The following CYB5R4 variants were observed in gnomAD, a reference collection of about 807,000 sequenced individuals.
The protein encoded by CYB5R4 is N-terminal cytochrome b5 and cytochrome b5 oxidoreductase domain-containing protein.
CYB5R4 carries 55 observed loss-of-function variants against 70.2 expected under a neutral mutation model. The observed-to-expected ratio is 0.78, with a 90% CI of 0.63 to 0.98. CYB5R4 has a LOEUF of 0.98. Ranked by LOEUF, CYB5R4 falls within the 50% of genes least tolerant of loss-of-function variation. The pLI is 0.00. For synonymous variants in CYB5R4, 197 were observed against 199.5 expected (o/e 0.99, Z 0.11); for missense variants, 562 against 612.6 (o/e 0.92, Z 0.87).
intron 3 of CYB5R4, among the ~76,000 whole-genome samples, chr6:83,894,014 C>G (rs548142632): frequency 6.6e-6 from 1 of 152,224 alleles, no homozygotes; most frequent in East Asian, 1.9e-4. Context: ...TTCTGTTAGT[C>G]CTTTGTCACC....
Position 83,961,841 on chromosome 6 carries a change from A to T in CYB5R4, c.*1963A>T, listed in dbSNP as rs1053857792. ...GAATCTCCTATTAGTCGCTATATGTAATGCTTCCTCATTCCTCCTTTTATG... is the reference window on the plus strand; with the variant it reads ...GAATCTCCTATTAGTCGCTATATGTTATGCTTCCTCATTCCTCCTTTTATG... On this transcript the variant is annotated 3_prime_UTR_variant, in exon 16 of 16. Coordinates refer to ENST00000369681, the MANE Select transcript of CYB5R4 (RefSeq NM_016230.4). The T allele has an allele frequency of 6.6e-6, 1 of 151,428 alleles. No individual in the cohort carries two copies. Among genetic ancestry groups the T allele is most frequent in the Non-Finnish European group, 1.5e-5 (1 of 67,784 alleles). The allele number at this position is 151,428 out of a possible 1,614,324, so 9.4% of individuals were successfully genotyped here.
At chr6:83,908,640 G>A (rs1029616830) in intron 3 of CYB5R4, among the ~76,000 whole-genome samples, 1 of 152,082 alleles carries the variant, frequency 6.6e-6, no homozygotes, top group East Asian at 1.9e-4. Context: ...TGGACCCACT[G>A]CCTTGATTAA....
intron 12 of CYB5R4, among the ~76,000 whole-genome samples, chr6:83,937,820 G>A (rs1021612878): frequency 6.6e-6 from 1 of 152,152 alleles, no homozygotes; most frequent in African/African-American, 2.4e-5. Context: ...TGCCCAGCCA[G>A]TAAAGGTACT....
intron 1 of CYB5R4, 33 bp from the exon 2 acceptor site, chr6:83,864,142 G>T: frequency 6.6e-7 from 1 of 1,516,342 alleles, no homozygotes; most frequent in Non-Finnish European, 8.8e-7. Context: ...AAGTAATGAA[G>T]CTAGATTTAA....
intron 2 of CYB5R4, among the ~76,000 whole-genome samples, chr6:83,869,043 C>G (rs1250709341): frequency 6.6e-6 from 1 of 152,168 alleles, no homozygotes; most frequent in Non-Finnish European, 1.5e-5. Flanking sequence ...ATGGATTTTA[C>G]TTATTTAGAA....
chr6:83,933,382 A>G (rs1294266078), intron 10 of CYB5R4, among the ~76,000 whole-genome samples: 1 of 152,208 alleles, frequency 6.6e-6, no homozygotes, highest in African/African-American at 2.4e-5. Flanking sequence ...GGGAAGTTGG[A>G]TTCATTTGTG....
intron 3 of CYB5R4, among the ~76,000 whole-genome samples, chr6:83,896,510 C>CA (rs2099461925): frequency 6.6e-6 from 1 of 152,178 alleles, no homozygotes; most frequent in Non-Finnish European, 1.5e-5. Flanking sequence ...TGAGTGAAAA[C>CA]ATGCAGTATT....
At position 83,959,229 on chromosome 6, in the gene CYB5R4, G is replaced by A. The variant is rs549862464; in HGVS notation, c.1512-595G>A. Among the ~76,000 whole-genome samples the A allele has an allele frequency of 2.0e-4, 30 of 152,220 alleles. No homozygotes were observed. In the South Asian group the frequency reaches 5.8e-3, roughly 29 times the overall value. On this transcript the variant is annotated intron_variant, in intron 15 of 15. Coordinates refer to ENST00000369681, the MANE Select transcript of CYB5R4 (RefSeq NM_016230.4). Reference sequence around the variant, plus strand: ...GATCTATACATAGATCATAATGGTAGCTAGCACTCAAAAAGAGAGGCAACC... The same window carrying A: ...GATCTATACATAGATCATAATGGTAACTAGCACTCAAAAAGAGAGGCAACC...
At chr6:83,919,250 T>A (rs2099465982) in intron 6 of CYB5R4, 147 bp from the exon 7 acceptor site, 2 of 469,214 alleles carry the variant, frequency 4.3e-6, no homozygotes, top group Non-Finnish European at 7.6e-6. Context: ...GAATGTAACA[T>A]GGTAAGACCA....
intron 3 of CYB5R4, among the ~76,000 whole-genome samples, chr6:83,906,738 G>C (rs2099463829): frequency 6.6e-6 from 1 of 152,156 alleles, no homozygotes; most frequent in Non-Finnish European, 1.5e-5. Context: ...GTTCTTAGTG[G>C]AGGAGGCAAG....
chr6:83,928,490 A>C (rs973393803), intron 10 of CYB5R4, among the ~76,000 whole-genome samples: 1 of 152,104 alleles, frequency 6.6e-6, no homozygotes, highest in Admixed American at 6.5e-5. Flanking sequence ...AGTGAGGTCC[A>C]TGGCTTTCAG....
chr6:83,869,821 C>A (rs1339242099), intron 2 of CYB5R4, among the ~76,000 whole-genome samples: 41 of 149,362 alleles, frequency 2.7e-4, no homozygotes, highest in Non-Finnish European at 5.0e-4. Flanking sequence ...ATAACTTCGT[C>A]TCAAAAAAAA....
intron 2 of CYB5R4, among the ~76,000 whole-genome samples, chr6:83,869,539 G>A (rs1163917376): frequency 6.6e-6 from 1 of 152,148 alleles, no homozygotes; most frequent in African/African-American, 2.4e-5. Flanking sequence ...GTAAAAAAGT[G>A]TCTTTTTGAC....
intron 2 of CYB5R4, among the ~76,000 whole-genome samples, chr6:83,868,520 C>T (rs191919902): frequency 1.3e-5 from 2 of 152,196 alleles, no homozygotes; most frequent in East Asian, 3.9e-4. Flanking sequence ...CTAATTTTTT[C>T]ATTTAATTTT....
At chr6:83,941,609 T>C (rs917571851) in intron 14 of CYB5R4, among the ~76,000 whole-genome samples, 2 of 152,214 alleles carry the variant, frequency 1.3e-5, no homozygotes, top group South Asian at 2.1e-4. Flanking sequence ...TGTGGTCTTT[T>C]CCCATTTTTC....
rs1456443624 is a variant in CYB5R4 at position 83,960,619 on chromosome 6, AAG to A, written c.*746_*747del. ...TTAGCCAAAAACAAAGACATTAGGA[AAG>A]AGAGTGAAAGTATAGTGTCTAGTTC... is the stretch of plus-strand genomic sequence containing the variant. On this transcript the variant is annotated 3_prime_UTR_variant, in exon 16 of 16. Transcript: ENST00000369681. 6.6e-6 allele frequency: 1 copy of A among 152,210 alleles called. No homozygotes were observed. Among genetic ancestry groups the A allele is most frequent in the African/African-American group, 2.4e-5 (1 of 41,458 alleles). 9.4% of individuals were successfully genotyped at this position (152,210 alleles called of 1,614,324 possible). A position where few individuals can be genotyped will look rare whatever the true frequency, so the allele number is the denominator to read the frequency against.
chr6:83,958,961 TC>T (rs1433673355), intron 15 of CYB5R4, among the ~76,000 whole-genome samples: 10 of 152,322 alleles, frequency 6.6e-5, no homozygotes, highest in Non-Finnish European at 1.5e-4. Context: ...TTTCTGCTTT[TC>T]CTGTTCAGTA....
At chr6:83,915,434 A>G (rs142346281) in intron 5 of CYB5R4, among the ~76,000 whole-genome samples, 5 of 152,322 alleles carry the variant, frequency 3.3e-5, no homozygotes, top group South Asian at 2.1e-4. Flanking sequence ...ATAACACTCT[A>G]TTAAATGAGG....
Position 83,918,066 on chromosome 6 carries a change from G to T in CYB5R4, c.506+1G>T. The T allele has an allele frequency of 3.1e-6, 5 of 1,605,742 alleles. No homozygotes were observed. Among genetic ancestry groups the T allele is most frequent in the Non-Finnish European group, 3.4e-6 (4 of 1,173,910 alleles). On this transcript the variant is annotated splice_donor_variant, in intron 6 of 15. Transcript: ENST00000369681. LOFTEE classifies it high-confidence loss of function. ...CCAAAGAAGGTCCTAGTTATCCAAG[G>T]TATGCATTCTTATTTAAAATTTTTA...
Sources: allele counts gnomAD v4.1 joint callset (sites outside exome capture counted in the v4.1 genomes callset), GRCh38; gene constraint gnomAD v4.1.1; transcripts MANE v1.5; gene names NCBI Gene and HGNC (gene_info 2026-07-23, HGNC 2026-07-21).